Variants in NFX1 observed in about 807,000 individuals in gnomAD.
NFX1 encodes transcriptional repressor NF-X1.
In NFX1, 69 loss-of-function variants were observed where a neutral mutation model predicts 137.2. The observed-to-expected ratio is 0.50, with a 90% CI of 0.41 to 0.61. NFX1 has a LOEUF of 0.61. NFX1 is among the 20% of genes least tolerant of loss of function. The pLI is 0.00. For missense variants in NFX1, 1,167 were observed against 1,391.0 expected (o/e 0.84, Z 2.56); for synonymous variants, 495 against 474.1 (o/e 1.04, Z -0.57).
chr9:33,295,274 A>T lies in NFX1; in HGVS notation c.880A>T (p.Thr294Ser), dbSNP rs748721204. 1 of 1,614,066 alleles carries T rather than the reference A, an allele frequency of 6.2e-7. No homozygotes were observed. Among genetic ancestry groups the T allele is most frequent in the East Asian group, 2.2e-5 (1 of 44,872 alleles). ...DDLNERPAKS[T>S]CDSENLAVIN... ...CCTCAATGAAAGACCAGCAAAATCT[A>T]CCTGTGACAGTGAGAACTTGGCAGT... Residue 294 changes from threonine to serine, a missense_variant, in exon 2 of 24, where the codon ACC (threonine) becomes TCC (serine). Transcript: ENST00000379540.
Position 33,352,684 on chromosome 9 carries a change from G to A in NFX1, c.2694G>A (p.Met898Ile), listed in dbSNP as rs147818472. The A allele has an allele frequency of 7.6e-5, 122 of 1,614,042 alleles. No homozygotes were observed. In the Middle Eastern group the frequency reaches 1.6e-3, roughly 22 times the overall value. Residue 898 changes from methionine to isoleucine, a missense_variant, in exon 17 of 24, where the codon ATG becomes ATA. Transcript: ENST00000379540. Reference protein sequence around the residue: ...LQCECGRRKEMVICSEASSTY... With the variant: ...LQCECGRRKEIVICSEASSTY... ...GTGAATGTGGACGAAGAAAAGAGAT[G>A]GTGATTTGCTCTGAAGCATCTAGTA...
At chr9:33,302,359 T>A (rs866457129) in intron 3 of NFX1, among the ~76,000 whole-genome samples, 3 of 1,066 alleles carry the variant, frequency 2.8e-3, no homozygotes, top group African/African-American at 4.5e-3. Context: ...CTAACTGTAT[T>A]TTTTTTTTTT....
intron 10 of NFX1, among the ~76,000 whole-genome samples, chr9:33,329,373 A>G (rs150183693): frequency 3.9e-5 from 6 of 152,276 alleles, no homozygotes; most frequent in African/African-American, 1.4e-4. Flanking sequence ...CCCGAGGTGT[A>G]CCGATACCAT....
chr9:33,348,224 G>C (rs1444197902), intron 15 of NFX1: 2 of 152,078 alleles, frequency 1.3e-5, no homozygotes, highest in African/African-American at 4.8e-5. Flanking sequence ...GCGCATCCCT[G>C]TAATCCCAGC....
intron 2 of NFX1, among the ~76,000 whole-genome samples, chr9:33,296,698 T>C (rs1821367767): frequency 6.6e-6 from 1 of 152,258 alleles, no homozygotes; most frequent in Admixed American, 6.5e-5. Context: ...TACTCCAGCC[T>C]GGATAACAGA....
chr9:33,370,742 C>T lies in NFX1; in HGVS notation c.*764C>T, dbSNP rs1382282423. 1 of 152,222 alleles carries T rather than the reference C, an allele frequency of 6.6e-6. No individual in the cohort carries two copies. The highest frequency in any genetic ancestry group is 2.4e-5 in the African/African-American group (1 of 41,454). The allele number at this position is 152,222 out of a possible 1,614,324, so 9.4% of individuals were successfully genotyped here. The stretch of plus-strand genomic sequence containing the variant: ...GAAATATAGAGAGCAAGTTCTTCTG[C>T]CAGGGTCACACTGTGGTCTCTGAAC... On this transcript the variant is annotated 3_prime_UTR_variant, in exon 24 of 24. Transcript: ENST00000379540.
Position 33,318,717 on chromosome 9 carries a change from A to C in NFX1, c.1589-14A>C. 1 of 1,611,836 alleles carries C rather than the reference A, an allele frequency of 6.2e-7. No homozygotes were observed. Reference sequence around the variant, plus strand: ...ATGTTACTAACGTTTTGTTTTTGAAATTTTCTCTTCAAGTATGCTATTGCG... The same window carrying C: ...ATGTTACTAACGTTTTGTTTTTGAACTTTTCTCTTCAAGTATGCTATTGCG... On this transcript the variant is annotated splice_polypyrimidine_tract_variant and intron_variant, in intron 7 of 23. Transcript: ENST00000379540.
chr9:33,323,243 C>T (rs1167293636), intron 9 of NFX1, among the ~76,000 whole-genome samples: 1 of 152,072 alleles, frequency 6.6e-6, no homozygotes, highest in Non-Finnish European at 1.5e-5. Context: ...ATAGTCTAGC[C>T]AAGTCACAAA....
In NFX1 at chr9:33,364,727, A is replaced by C; in HGVS notation, c.2992A>C (p.Ser998Arg). 2 of 1,613,822 alleles carry C rather than the reference A, an allele frequency of 1.2e-6. No individual in the cohort carries two copies. Among genetic ancestry groups the C allele is most frequent in the South Asian group, 2.2e-5 (2 of 90,984 alleles). ...TTTCAGGAAGGACTTAAAGTTTGTC[A>C]GTGACGTTGAGAAGGAAATGGAAAC... ...EDARKDLKFV[S>R]DVEKEMETLV... Residue 998 changes from serine (S) to arginine (R), a missense_variant, in exon 21 of 24, where the codon AGT (serine) becomes CGT (arginine). Around this residue, in one of 3 missense-constraint regions of NFX1, gnomAD observed 312 missense variants for 312.8 expected, o/e 1.00. Transcript: ENST00000379540.
intron 9 of NFX1, 51 bp downstream of exon 9, chr9:33,319,178 G>A (rs746771449): frequency 1.3e-6 from 2 of 1,500,914 alleles, no homozygotes; most frequent in Non-Finnish European, 1.8e-6. Flanking sequence ...TAAATGGTTG[G>A]CAGCAGTGAG....
At chr9:33,304,280 A>G (rs1045487601) in intron 4 of NFX1, among the ~76,000 whole-genome samples, 3 of 152,182 alleles carry the variant, frequency 2.0e-5, no homozygotes, top group Non-Finnish European at 4.4e-5. Context: ...AAATAAATAA[A>G]ATAAAAACAA....
rs936600248 is a variant in NFX1 at position 33,294,865 on chromosome 9, A to G, written c.471A>G (p.Glu157=). The G allele has an allele frequency of 6.2e-6, 10 of 1,614,052 alleles. No individual in the cohort carries two copies. The African/African-American group carries it at 6.7e-5, about 11-fold the overall frequency. ...REHSPSESEK[E]VVGADPRGAK... ...ATAGTCCTTCTGAGAGTGAGAAGGA[A>G]GTTGTGGGTGCAGATCCCAGGGGAG... is the stretch of plus-strand genomic sequence containing the variant. Residue 157 remains glutamate, a synonymous_variant, in exon 2 of 24, where the codon GAA becomes GAG. Coordinates refer to ENST00000379540, the MANE Select transcript of NFX1 (RefSeq NM_002504.6).
intron 11 of NFX1, among the ~76,000 whole-genome samples, chr9:33,334,466 A>G (rs999533879): frequency 4.6e-5 from 7 of 152,180 alleles, no homozygotes; most frequent in African/African-American, 1.7e-4. Context: ...AAAACAATAA[A>G]ACAAAATAAT....
chr9:33,310,439 C>T (rs540587017), intron 5 of NFX1, among the ~76,000 whole-genome samples: 6 of 152,226 alleles, frequency 3.9e-5, no homozygotes, highest in East Asian at 3.9e-4. Flanking sequence ...ATACAAATTC[C>T]GTATTGTAAC....
chr9:33,305,162 A>G (rs1821708838), intron 4 of NFX1, among the ~76,000 whole-genome samples: 1 of 152,240 alleles, frequency 6.6e-6, no homozygotes, highest in African/African-American at 2.4e-5. Flanking sequence ...ACCAGAGCTT[A>G]CAGTCTAAGA....
intron 7 of NFX1, among the ~76,000 whole-genome samples, chr9:33,316,264 A>G (rs1309634242): frequency 6.6e-6 from 1 of 151,486 alleles, no homozygotes; most frequent in Non-Finnish European, 1.5e-5. Context: ...TGGATCTGTA[A>G]TTAACAGGAA....
chr9:33,335,227 C>CTTTTTTTTTTTTTTTTTTTTTTTTT (rs57459026), intron 11 of NFX1, among the ~76,000 whole-genome samples: 2 of 130,516 alleles, frequency 1.5e-5, no homozygotes, highest in African/African-American at 6.4e-5. Flanking sequence ...CTTTCTTTTT[C>CTTTTTTTTTTTTTTTTTTTTTTTTT]TTTTTTTTTT....
chr9:33,332,737 AAAG>A (rs1822852503), intron 11 of NFX1: 1 of 415,218 alleles, frequency 2.4e-6, no homozygotes, highest in African/African-American at 2.0e-5. Flanking sequence ...ATGCATTAAA[AAAG>A]AAAATTAGTG....
intron 11 of NFX1, among the ~76,000 whole-genome samples, chr9:33,333,063 C>G (rs1298394191): frequency 6.6e-6 from 1 of 152,180 alleles, no homozygotes; most frequent in African/African-American, 2.4e-5. Context: ...CCAGGCTGGT[C>G]TCTAACTCCT....
Sources: allele counts gnomAD v4.1 joint callset (sites outside exome capture counted in the v4.1 genomes callset), GRCh38; gene constraint gnomAD v4.1.1; regional missense constraint gnomAD v4.1.1; transcripts MANE v1.5; gene names NCBI Gene and HGNC (gene_info 2026-07-23, HGNC 2026-07-21).